Variants in HDAC9 observed in about 807,000 individuals in gnomAD.
The protein encoded by HDAC9 is histone deacetylase 9, also known as MEF-2 interacting transcription repressor (MITR) protein.
HDAC9 carries 41 observed loss-of-function variants against 139.4 expected under a neutral mutation model. The observed-to-expected ratio is 0.29, with a 90% CI of 0.23 to 0.38. The LOEUF (loss-of-function observed/expected upper bound fraction) is 0.38, where lower values mean the gene tolerates loss of function less well. Among genes scored for constraint, HDAC9 ranks in the 10% least tolerant of loss-of-function variants. HDAC9 has a pLI of 1.00. For synonymous variants in HDAC9, 517 were observed against 476.2 expected, an observed-to-expected ratio of 1.09 and a Z score of -1.12; for missense variants, 1,147 against 1,297.0, an observed-to-expected ratio of 0.88 and a Z score of 1.78.
At chr7:18,390,541 C>T (rs966732080) in intron 1 of HDAC9, among the ~76,000 whole-genome samples, 1 of 152,176 alleles carries the variant, frequency 6.6e-6, no homozygotes, top group Non-Finnish European at 1.5e-5. Context: ...GTACAGGCTA[C>T]TCCTCTCTTT....
intron 2 of HDAC9, among the ~76,000 whole-genome samples, chr7:18,249,615 T>A (rs1373554991): frequency 6.6e-6 from 1 of 150,560 alleles, no homozygotes; most frequent in African/African-American, 2.4e-5. Flanking sequence ...AGTGAGCAAA[T>A]CTGTCAGAGT....
At chr7:18,347,455 G>A (rs904793769) in intron 1 of HDAC9, among the ~76,000 whole-genome samples, 3 of 152,134 alleles carry the variant, frequency 2.0e-5, no homozygotes, top group African/African-American at 4.8e-5. Flanking sequence ...TTAGACATTT[G>A]CTTAGATTTC....
intron 14 of HDAC9, among the ~76,000 whole-genome samples, chr7:18,760,138 C>G (rs1789253524): frequency 6.6e-6 from 1 of 152,072 alleles, no homozygotes; most frequent in Non-Finnish European, 1.5e-5. Context: ...GAAGGAGGAG[C>G]TCGAAGCCCT....
chr7:18,548,860 G>A (rs1481296833), intron 2 of HDAC9, among the ~76,000 whole-genome samples: 2 of 152,158 alleles, frequency 1.3e-5, no homozygotes, highest in East Asian at 3.8e-4. Context: ...GTGAGGATGT[G>A]GATAAATTGG....
chr7:18,265,968 G>A (rs1214781164), intron 2 of HDAC9, among the ~76,000 whole-genome samples: 1 of 152,068 alleles, frequency 6.6e-6, no homozygotes, highest in African/African-American at 2.4e-5. Context: ...CTAAAGGTTG[G>A]TCGCAATGTA....
intron 13 of HDAC9, among the ~76,000 whole-genome samples, chr7:18,738,280 G>T (rs952239745): frequency 6.6e-6 from 1 of 152,164 alleles, no homozygotes; most frequent in Non-Finnish European, 1.5e-5. Context: ...ATATTGTTAT[G>T]TGTGAATTTG....
At chr7:18,412,905 A>AT (rs1402099118) in intron 1 of HDAC9, among the ~76,000 whole-genome samples, 1 of 152,236 alleles carries the variant, frequency 6.6e-6, no homozygotes, top group African/African-American at 2.4e-5. Context: ...AATTAAATGA[A>AT]TATTGATTTT....
chr7:18,801,837 A>G lies in HDAC9; in HGVS notation c.2322+8385A>G, dbSNP rs571291678. On this transcript the variant is annotated intron_variant, in intron 17 of 25. Transcript: ENST00000686413. ...TTCTTGACATTTACATATTGGAGCC[A>G]AATTTTCAAAATTAGTCATATGAAT... 2.2e-3 allele frequency among the ~76,000 whole-genome samples: 336 copies of G among 152,166 alleles called. 1 individual carries two copies. Among genetic ancestry groups the G allele is most frequent in the African/African-American group, 7.7e-3 (320 of 41,574 alleles).
At chr7:18,465,613 C>T (rs1270804092) in intron 1 of HDAC9, among the ~76,000 whole-genome samples, 1 of 152,154 alleles carries the variant, frequency 6.6e-6, no homozygotes, top group East Asian at 1.9e-4. Flanking sequence ...CTTTTGGAAT[C>T]AGAATCTGAA....
chr7:18,375,334 G>A (rs1784908072), intron 1 of HDAC9, among the ~76,000 whole-genome samples: 1 of 152,060 alleles, frequency 6.6e-6, no homozygotes, highest in South Asian at 2.1e-4. Flanking sequence ...GCTGGGCATG[G>A]TGGCACATGC....
intron 1 of HDAC9, among the ~76,000 whole-genome samples, chr7:18,378,447 T>G (rs1785170659): frequency 6.6e-6 from 1 of 152,072 alleles, no homozygotes; most frequent in African/African-American, 2.4e-5. Context: ...CTAATCATAT[T>G]ACAGTATAGC....
chr7:18,718,594 T>C (rs1372181134), intron 12 of HDAC9, among the ~76,000 whole-genome samples: 3 of 152,192 alleles, frequency 2.0e-5, no homozygotes, highest in African/African-American at 7.2e-5. Flanking sequence ...TTGTAGCATG[T>C]ATCACTGTTT....
chr7:18,533,060 C>T (rs189977058), intron 2 of HDAC9, among the ~76,000 whole-genome samples: 2 of 152,242 alleles, frequency 1.3e-5, no homozygotes, highest in East Asian at 3.9e-4. Flanking sequence ...TATGACTAGT[C>T]AAATGTTTAC....
intron 2 of HDAC9, among the ~76,000 whole-genome samples, chr7:18,164,006 G>A (rs1463096963): frequency 3.9e-5 from 6 of 152,188 alleles, no homozygotes. Context: ...GGAGAGAAAA[G>A]GTGATGGATA....
At position 18,580,726 on chromosome 7, in the gene HDAC9, T is replaced by C. The variant is rs146183123; in HGVS notation, c.23-4555T>C. On this transcript the variant is annotated intron_variant, in intron 2 of 25. Coordinates refer to ENST00000686413, the MANE Select transcript of HDAC9 (RefSeq NM_178425.4). ...GCATGTTCCCAGACAAGGAATGTTG[T>C]GAACAGAGATGATTCTATTTATCCA... Among the ~76,000 whole-genome samples the C allele has an allele frequency of 9.0e-3, 1,377 of 152,320 alleles. 7 individuals are homozygous for C. The highest frequency in any genetic ancestry group is 0.016 in the Non-Finnish European group (1,077 of 68,008).
At chr7:18,745,318 C>T (rs73317438) in intron 13 of HDAC9, among the ~76,000 whole-genome samples, 189 of 152,206 alleles carry the variant, frequency 1.2e-3, no homozygotes, top group African/African-American at 4.2e-3. Flanking sequence ...TTCAAATGGC[C>T]TTCCAAGAGC....
chr7:18,847,449 C>A (rs1796987336), intron 21 of HDAC9, among the ~76,000 whole-genome samples: 1 of 152,054 alleles, frequency 6.6e-6, no homozygotes, highest in Non-Finnish European at 1.5e-5. Context: ...CCCAATTAAT[C>A]ATCACACCAG....
At chr7:18,141,092 A>C (rs1785866864) in intron 1 of HDAC9, among the ~76,000 whole-genome samples, 1 of 152,150 alleles carries the variant, frequency 6.6e-6, no homozygotes, top group Admixed American at 6.5e-5. Context: ...TAGACTTTAA[A>C]ATTGAACTGA....
At chr7:18,546,642 T>C (rs1814935475) in intron 2 of HDAC9, among the ~76,000 whole-genome samples, 2 of 152,214 alleles carry the variant, frequency 1.3e-5, no homozygotes, top group Admixed American at 1.3e-4. Flanking sequence ...GTTTGCTTTG[T>C]TGGTATTTTG....
Sources: gnomAD v4.1 joint callset for allele counts (sites outside exome capture counted in the v4.1 genomes callset) on GRCh38, gnomAD v4.1.1 for gene constraint, MANE v1.5 for transcripts, NCBI Gene and HGNC (gene_info 2026-07-23, HGNC 2026-07-21) for gene names.